The following CT45A1 variants were observed in gnomAD, a reference collection of about 807,000 sequenced individuals.
CT45A1 encodes cancer/testis antigen 45-1.
At chrX:135,712,298 G>A (rs1200492528), upstream of CT45A1, among the ~76,000 whole-genome samples, 1 of 93,547 alleles carries the variant, frequency 1.1e-5, no homozygotes. Flanking sequence ...AGCCTCCCAA[G>A]TAGCTGGGAC....
upstream of CT45A1, among the ~76,000 whole-genome samples, chrX:135,712,886 C>T (rs1556569988): frequency 9.2e-6 from 1 of 109,180 alleles, no homozygotes; most frequent in African/African-American, 3.3e-5. Context: ...TTGATGTTGT[C>T]GTTTCTTTCT....
upstream of CT45A1, among the ~76,000 whole-genome samples, chrX:135,710,907 T>A (rs1556569384): frequency 4.5e-5 from 5 of 112,176 alleles, no homozygotes; most frequent in Admixed American, 4.7e-4. Context: ...GTCCTCAATG[T>A]CCCTGACAAT....
At chrX:135,717,743 G>T (rs1285054605) in intron 1 of CT45A1, among the ~76,000 whole-genome samples, 1 of 110,833 alleles carries the variant, frequency 9.0e-6, no homozygotes, top group Non-Finnish European at 1.9e-5. Context: ...CTAATTATTT[G>T]TTGCTATTAA....
intron 1 of CT45A1, among the ~76,000 whole-genome samples, chrX:135,715,283 T>TTATATATATATAA (rs374347966): frequency 1.5e-4 from 10 of 65,076 alleles, no homozygotes; most frequent in African/African-American, 5.3e-4. Flanking sequence ...TATATAATAC[T>TTATATATATATAA]TATATATATA....
chrX:135,713,873 G>A lies in CT45A1; in HGVS notation c.-7+183G>A, dbSNP rs782227155. ...ACCGCCATGGGCGCCTGTGTCAGCC[G>A]CGGGGGAGCGTTTTCCTTGGGCACC... On this transcript the variant is annotated intron_variant, in intron 1 of 4. Transcript: ENST00000594565. 1.5e-4 allele frequency among the ~76,000 whole-genome samples: 17 copies of A among 110,073 alleles called. No homozygotes were observed. The South Asian group carries it at 5.3e-3, about 34-fold the overall frequency.
chrX:135,714,566 G>T (rs1327516267), intron 1 of CT45A1, among the ~76,000 whole-genome samples: 1 of 110,374 alleles, frequency 9.1e-6, no homozygotes, highest in Non-Finnish European at 1.9e-5. Flanking sequence ...AGGTGTCTGT[G>T]TGGGAATGGA....
At chrX:135,711,071 T>C (rs1396634162), upstream of CT45A1, among the ~76,000 whole-genome samples, 3 of 112,067 alleles carry the variant, frequency 2.7e-5, no homozygotes, top group Non-Finnish European at 5.6e-5. Flanking sequence ...GACTGTCACA[T>C]GCAGCTGTCC....
chrX:135,713,698 C>T lies in CT45A1; in HGVS notation c.-7+8C>T. ...TGTCTCTCCTCCAGCAAGGTCAGGA[C>T]TTAAGGACTGTGAGTGGGGCAGTTT... On this transcript the variant is annotated splice_region_variant and intron_variant, in intron 1 of 4. Coordinates refer to ENST00000594565, the MANE Select transcript of CT45A1 (RefSeq NM_001017417.3). The T allele has an allele frequency of 1.3e-6, 1 of 748,473 alleles. No homozygotes were observed. The highest frequency in any genetic ancestry group is 1.6e-6 in the Non-Finnish European group (1 of 634,207). 61.7% of individuals were successfully genotyped at this position (748,473 alleles called of 1,213,427 possible). A position where few individuals can be genotyped will look rare whatever the true frequency, so the allele number is the denominator to read the frequency against.
chrX:135,713,670 T>G lies in CT45A1; in HGVS notation c.-27T>G, dbSNP rs5975573. 1.3e-6 allele frequency: 1 copy of G among 746,341 alleles called. No individual in the cohort carries two copies. The highest frequency in any genetic ancestry group is 9.1e-5 in the Admixed American group (1 of 10,934). The allele number at this position is 746,341 out of a possible 1,213,427, so 61.5% of individuals were successfully genotyped here. A position where few individuals can be genotyped will look rare whatever the true frequency, so the allele number is the denominator to read the frequency against. On this transcript the variant is annotated 5_prime_UTR_variant, in exon 1 of 5. Transcript: ENST00000594565. Reference sequence around the variant, plus strand: ...ACTTCACTGCCATTTTGTGAGGTGCTGCTGTCTCTCCTCCAGCAAGGTCAG... The same window carrying G: ...ACTTCACTGCCATTTTGTGAGGTGCGGCTGTCTCTCCTCCAGCAAGGTCAG...
upstream of CT45A1, among the ~76,000 whole-genome samples, chrX:135,713,295 T>G (rs1394104354): frequency 6.6e-5 from 7 of 106,044 alleles, no homozygotes; most frequent in African/African-American, 1.0e-4. Context: ...CATCCCACTG[T>G]GTGAGAAGGT....
upstream of CT45A1, among the ~76,000 whole-genome samples, chrX:135,709,892 AAAAG>A (rs1373794501): frequency 8.9e-6 from 1 of 112,359 alleles, no homozygotes; most frequent in Non-Finnish European, 1.9e-5. Flanking sequence ...AAAAGGTTAA[AAAAG>A]AAAGCTTCAG....
chrX:135,714,592 G>A (rs781889658), intron 1 of CT45A1, among the ~76,000 whole-genome samples: 6 of 110,751 alleles, frequency 5.4e-5, no homozygotes, highest in Admixed American at 2.9e-4. Context: ...AGAAATATTC[G>A]AAGGTTCCAG....
intron 1 of CT45A1, among the ~76,000 whole-genome samples, chrX:135,716,640 T>C (rs2087990617): frequency 9.0e-6 from 1 of 111,678 alleles, no homozygotes; most frequent in African/African-American, 3.3e-5. Context: ...AATAGTGTCT[T>C]TGAGGAACAG....
chrX:135,715,583 TATAGGTATATA>T (rs1451039473), intron 1 of CT45A1, among the ~76,000 whole-genome samples: 10 of 90,385 alleles, frequency 1.1e-4, no homozygotes, highest in African/African-American at 4.1e-4. Flanking sequence ...ATATAATACT[TATAGGTATATA>T]ATACTTATAT....
upstream of CT45A1, chrX:135,710,478 C>G (rs1556569269): frequency 8.9e-6 from 1 of 112,070 alleles, no homozygotes; most frequent in Non-Finnish European, 1.9e-5. Flanking sequence ...TAGAAGTGAT[C>G]TATTGTAATC....
intron 1 of CT45A1, among the ~76,000 whole-genome samples, chrX:135,715,115 T>C (rs1455844433): frequency 9.8e-6 from 1 of 102,541 alleles, no homozygotes; most frequent in African/African-American, 3.5e-5. Context: ...ACAGATTCTC[T>C]TAATTTTATT....
upstream of CT45A1, among the ~76,000 whole-genome samples, chrX:135,713,221 T>G (rs782751223): frequency 0.068 from 7,024 of 102,744 alleles, 195 homozygotes; most frequent in East Asian, 0.08. Context: ...TGTGTGTTTT[T>G]TTTTTTTTTG....
At chrX:135,718,342 A>C (rs782561129) in intron 1 of CT45A1, among the ~76,000 whole-genome samples, 21 of 111,012 alleles carry the variant, frequency 1.9e-4, no homozygotes, top group African/African-American at 4.9e-4. Flanking sequence ...CAGGGGTGAT[A>C]TTGGCTTGTA....
In CT45A1 at chrX:135,717,634, A is replaced by C. The variant is rs2087998342; in HGVS notation, c.-6-1301A>C. ...CTTGAATTTCTCTGAGTGATGTTTT[A>C]TAATTTTTGTGTAGTGCTGTACCAC... On this transcript the variant is annotated intron_variant, in intron 1 of 4. Transcript: ENST00000594565. Among the ~76,000 whole-genome samples, 3 of 111,875 alleles carry C rather than the reference A, an allele frequency of 2.7e-5. No individual in the cohort carries two copies. The Admixed American group carries it at 2.9e-4, about 11-fold the overall frequency.
Sources: gnomAD v4.1 joint callset for allele counts (sites outside exome capture counted in the v4.1 genomes callset) on GRCh38, gnomAD v4.1.1 for gene constraint, MANE v1.5 for transcripts, NCBI Gene and HGNC (gene_info 2026-07-23, HGNC 2026-07-21) for gene names.